Variants in ABL1 observed in about 807,000 individuals in gnomAD.
ABL1 encodes the protein ABL proto-oncogene 1, non-receptor tyrosine kinase, also known as tyrosine-protein kinase ABL1.
ABL1 carries 11 observed loss-of-function variants against 94.7 expected under a neutral mutation model. The observed-to-expected ratio is 0.12, with a 90% confidence interval of 0.07 to 0.19. The LOEUF (loss-of-function observed/expected upper bound fraction) is 0.19. Among genes scored for constraint, ABL1 ranks in the 10% least tolerant of loss-of-function variants. ABL1 has a pLI of 1.00. For synonymous variants in ABL1, 656 were observed against 622.4 expected (o/e 1.05, Z -0.80); for missense variants, 1,082 against 1,489.4 (o/e 0.73, Z 4.50).
intron 1 of ABL1, among the ~76,000 whole-genome samples, chr9:130,743,099 T>C (rs1831840067): frequency 1.3e-5 from 2 of 152,130 alleles, no homozygotes; most frequent in Non-Finnish European, 2.9e-5. Context: ...GGAGACAGAG[T>C]TTCGCTCTTG....
chr9:130,868,520 C>CTTTTTTTTTT (rs71389371), intron 4 of ABL1, among the ~76,000 whole-genome samples: 1 of 112,114 alleles, frequency 8.9e-6, no homozygotes, highest in Admixed American at 9.2e-5. Flanking sequence ...TTTTCTTTTT[C>CTTTTTTTTTT]TTTTTTTTTT....
upstream of ABL1, among the ~76,000 whole-genome samples, chr9:130,832,799 A>G (rs1424412903): frequency 1.3e-5 from 2 of 152,184 alleles, no homozygotes; most frequent in African/African-American, 2.4e-5. Context: ...TTCTTCTGGT[A>G]AGAAGATTGA....
chr9:130,794,494 C>A (rs996750896), intron 1 of ABL1, among the ~76,000 whole-genome samples: 1 of 152,058 alleles, frequency 6.6e-6, no homozygotes, highest in Non-Finnish European at 1.5e-5. Context: ...CCTGGCCATT[C>A]GATCATTTGA....
Position 130,880,082 on chromosome 9 carries a change from C to T in ABL1, c.1438C>T (p.Pro480Ser). ...CATCTGTCCAGGTTGGCAGTGGAATCCCTCTGACCGGCCCTCCTTTGCTGA... is the reference window on the plus strand; with the variant it reads ...CATCTGTCCAGGTTGGCAGTGGAATTCCTCTGACCGGCCCTCCTTTGCTGA... ...ELMRACWQWN[P>S]SDRPSFAEIH... Residue 480 changes from proline (P) to serine (S), a missense_variant, in exon 9 of 11, where the codon CCC becomes TCC. By Grantham distance (74) the Pro-to-Ser change is moderately conservative. Around this residue, in one of 7 missense-constraint regions of ABL1, gnomAD observed 76 missense variants for 177.1 expected, o/e 0.43. Transcript: ENST00000318560. This position sits in a 1 kb window ranked among gnomAD's most constrained non-coding sequence, Gnocchi z 4.4. 1 of 1,614,200 alleles carries T rather than the reference C, an allele frequency of 6.2e-7. No homozygotes were observed. The highest frequency in any genetic ancestry group is 8.5e-7 in the Non-Finnish European group (1 of 1,180,040).
chr9:130,722,198 G>C (rs575576960), intron 1 of ABL1, among the ~76,000 whole-genome samples: 2 of 152,126 alleles, frequency 1.3e-5, no homozygotes, highest in Admixed American at 1.3e-4. Context: ...TTCGAGACCA[G>C]CCTGACCAAC....
intron 1 of ABL1, among the ~76,000 whole-genome samples, chr9:130,844,389 G>A (rs1830725126): frequency 6.6e-6 from 1 of 152,152 alleles, no homozygotes; most frequent in African/African-American, 2.4e-5. Context: ...CAGGTGTTCA[G>A]AATGGCCTTG....
At chr9:130,720,424 A>G (rs1332769174) in intron 1 of ABL1, among the ~76,000 whole-genome samples, 1 of 152,182 alleles carries the variant, frequency 6.6e-6, no homozygotes, top group Non-Finnish European at 1.5e-5. Context: ...TTTCAGGCCG[A>G]GGGAACCAGG....
intron 1 of ABL1, among the ~76,000 whole-genome samples, chr9:130,826,717 C>G (rs1373307571): frequency 6.6e-6 from 1 of 152,074 alleles, no homozygotes; most frequent in Non-Finnish European, 1.5e-5. Context: ...TCTTCAAACC[C>G]CTCCCAACCC....
intron 1 of ABL1, among the ~76,000 whole-genome samples, chr9:130,720,272 CAT>C (rs1831498806): frequency 6.6e-6 from 1 of 152,076 alleles, no homozygotes; most frequent in South Asian, 2.1e-4. Flanking sequence ...AGAAGAATAA[CAT>C]AGAGAAGGGG....
chr9:130,842,967 T>C (rs1469398756), intron 1 of ABL1, among the ~76,000 whole-genome samples: 2 of 152,256 alleles, frequency 1.3e-5, no homozygotes, highest in African/African-American at 2.4e-5. Context: ...TTTAGGATTT[T>C]GGCCATGGTT....
rs1447889587 is a variant in ABL1, at chr9:130,814,993, A to C, written c.137-39071A>C. On this transcript the variant is annotated intron_variant, in intron 1 of 10. Coordinates refer to the ABL1 transcript ENST00000372348. This position sits in a 1 kb window ranked among gnomAD's most constrained non-coding sequence, Gnocchi z 4.4. ...AAAATGCATGTGCAACAGAGGATCT[A>C]GAGTAGCCAAAATAAGCTCCTCTGT... 6.6e-6 allele frequency among the ~76,000 whole-genome samples: 1 copy of C among 152,228 alleles called. No individual in the cohort carries two copies. The highest frequency in any genetic ancestry group is 2.4e-5 in the African/African-American group (1 of 41,458).
At chr9:130,877,116 G>A (rs550695921) in intron 7 of ABL1, among the ~76,000 whole-genome samples, 1 of 148,042 alleles carries the variant, frequency 6.8e-6, no homozygotes, top group South Asian at 2.1e-4. Context: ...GTCCACTGCG[G>A]TTATTTTCCC....
chr9:130,857,437 T>C (rs1830992197), intron 3 of ABL1, among the ~76,000 whole-genome samples: 1 of 152,246 alleles, frequency 6.6e-6, no homozygotes, highest in Admixed American at 6.5e-5. Flanking sequence ...TTGGGTCATC[T>C]TTATGCCATT....
intron 1 of ABL1, among the ~76,000 whole-genome samples, chr9:130,730,046 C>CTGTTTTTTTTTTTTTTT (rs1831642309): frequency 9.3e-6 from 1 of 107,168 alleles, no homozygotes; most frequent in African/African-American, 3.9e-5. Context: ...CCCAGCCAGA[C>CTGTTTTTTTTTTTTTTT]TTTTTTTTTT....
chr9:130,723,816 T>A (rs993116528), intron 1 of ABL1, among the ~76,000 whole-genome samples: 1 of 152,126 alleles, frequency 6.6e-6, no homozygotes, highest in African/African-American at 2.4e-5. Flanking sequence ...AACTTTTTTT[T>A]AACTTTTTTT....
Sources: allele counts gnomAD v4.1 joint callset (sites outside exome capture counted in the v4.1 genomes callset), GRCh38; gene constraint gnomAD v4.1.1; regional missense constraint gnomAD v4.1.1; non-coding constraint Gnocchi (gnomAD v3.1); transcripts MANE v1.5; gene names NCBI Gene and HGNC (gene_info 2026-07-23, HGNC 2026-07-21).